Variants in PARD3B observed in about 807,000 individuals in gnomAD.
PARD3B encodes the protein par-3 family cell polarity regulator beta, also known as partitioning defective 3 homolog B.
In PARD3B, 103 loss-of-function variants were observed where a neutral mutation model predicts 130.2. That is an observed-to-expected ratio of 0.79 (90% CI 0.67 to 0.93). The LOEUF (loss-of-function observed/expected upper bound fraction) is 0.93, where lower values mean the gene tolerates loss of function less well. PARD3B is among the 40% of genes least tolerant of loss of function. PARD3B has a pLI of 0.00. For missense variants in PARD3B, 1,609 were observed against 1,499.2 expected (o/e 1.07, Z -1.21); for synonymous variants, 583 against 553.2 (o/e 1.05, Z -0.76).
intron 1 of PARD3B, among the ~76,000 whole-genome samples, chr2:204,679,167 G>T (rs577583177): frequency 6.6e-6 from 1 of 152,244 alleles, no homozygotes; most frequent in South Asian, 2.1e-4. Flanking sequence ...CCATTGCATG[G>T]ACATACTGTA....
chr2:205,263,882 G>A lies in PARD3B; in HGVS notation c.2185+18060G>A, dbSNP rs1398034180. Among the ~76,000 whole-genome samples the A allele has an allele frequency of 6.6e-6, 1 of 151,240 alleles. No homozygotes were observed. The highest frequency in any genetic ancestry group is 1.5e-5 in the Non-Finnish European group (1 of 67,640). Reference sequence around the variant, plus strand: ...AGGAATTGCCAAAATTTAAGGATAAGCAAAGGCACAAGTAGACTATTTACT... The same window carrying A: ...AGGAATTGCCAAAATTTAAGGATAAACAAAGGCACAAGTAGACTATTTACT... On this transcript the variant is annotated intron_variant, in intron 16 of 22. Coordinates refer to ENST00000406610, the MANE Select transcript of PARD3B (RefSeq NM_001302769.2). This position sits in a 1 kb window ranked among gnomAD's most constrained non-coding sequence, Gnocchi z 4.0.
chr2:205,214,679 T>C (rs2037822250), intron 15 of PARD3B, among the ~76,000 whole-genome samples: 1 of 152,178 alleles, frequency 6.6e-6, no homozygotes, highest in East Asian at 1.9e-4. Context: ...GTACAATCTA[T>C]TTACTGTCAC....
At chr2:205,239,726 T>C (rs2039266180) in intron 15 of PARD3B, among the ~76,000 whole-genome samples, 1 of 152,186 alleles carries the variant, frequency 6.6e-6, no homozygotes, top group South Asian at 2.1e-4. Flanking sequence ...TAAGCCCTCC[T>C]TTTTTACCCT....
chr2:204,633,596 C>G (rs1191567574), intron 1 of PARD3B, among the ~76,000 whole-genome samples: 2 of 152,050 alleles, frequency 1.3e-5, no homozygotes, highest in Admixed American at 6.5e-5. Context: ...GGTGGATCAC[C>G]TGAGGTGAGG....
intron 21 of PARD3B, among the ~76,000 whole-genome samples, chr2:205,533,826 CA>C (rs1200094307): frequency 6.6e-6 from 1 of 152,138 alleles, no homozygotes; most frequent in Non-Finnish European, 1.5e-5. Context: ...CTCCGGGGCT[CA>C]AGCAATCCTT....
intron 15 of PARD3B, among the ~76,000 whole-genome samples, chr2:205,209,678 T>C (rs1434542236): frequency 6.6e-6 from 1 of 151,886 alleles, no homozygotes; most frequent in African/African-American, 2.4e-5. Flanking sequence ...CTTCTGAATA[T>C]TTTGAATGAT....
In PARD3B at chr2:205,520,512, C is replaced by T. The variant is rs183808964; in HGVS notation, c.3180+20481C>T. On this transcript the variant is annotated intron_variant, in intron 21 of 22. Coordinates refer to ENST00000406610, the MANE Select transcript of PARD3B (RefSeq NM_001302769.2). ...TTGCTACTGGCTCAATAGCTCGGGC[C>T]GGGGGTGGCTGGAGGCTTAGGCCTG... 7.9e-5 allele frequency among the ~76,000 whole-genome samples: 12 copies of T among 152,120 alleles called. No individual in the cohort carries two copies. The East Asian group carries it at 9.7e-4, about 12-fold the overall frequency.
chr2:205,370,233 G>A (rs1337579760), intron 18 of PARD3B, among the ~76,000 whole-genome samples: 1 of 152,192 alleles, frequency 6.6e-6, no homozygotes, highest in African/African-American at 2.4e-5. Context: ...ATTTTTTTAA[G>A]TGGAGGTCAT....
intron 2 of PARD3B, among the ~76,000 whole-genome samples, chr2:204,794,012 A>G (rs1407821257): frequency 6.6e-6 from 1 of 152,166 alleles, no homozygotes; most frequent in Non-Finnish European, 1.5e-5. Flanking sequence ...TGTAATCTCA[A>G]TATGGATGTG....
chr2:205,562,822 CTG>C lies in PARD3B; in HGVS notation c.3260+9421_3260+9422del, dbSNP rs1177228912. On this transcript the variant is annotated intron_variant, in intron 22 of 22. Coordinates refer to ENST00000406610, the MANE Select transcript of PARD3B (RefSeq NM_001302769.2). The surrounding 1 kb of genome is among the most constrained non-coding windows in gnomAD (Gnocchi z 5.4). ...GCTGTACCGTTTTGCATGATGCACACTGTCTTTCTGCACCTACCTCCTCCTGT... is the reference window on the plus strand; with the variant it reads ...GCTGTACCGTTTTGCATGATGCACACTCTTTCTGCACCTACCTCCTCCTGT... 1.3e-5 allele frequency among the ~76,000 whole-genome samples: 2 copies of C among 152,176 alleles called. No homozygotes were observed. Among genetic ancestry groups the C allele is most frequent in the Non-Finnish European group, 2.9e-5 (2 of 68,034 alleles).
chr2:205,401,516 C>T (rs980670764), intron 19 of PARD3B, among the ~76,000 whole-genome samples: 4 of 152,114 alleles, frequency 2.6e-5, no homozygotes, highest in African/African-American at 9.7e-5. Context: ...TTATTCTGCG[C>T]AATCCGTTTG....
At chr2:205,233,483 T>C (rs2125898676) in intron 15 of PARD3B, among the ~76,000 whole-genome samples, 1 of 152,178 alleles carries the variant, frequency 6.6e-6, no homozygotes, top group South Asian at 2.1e-4. Flanking sequence ...TATTTAAATA[T>C]AAGGTTAATT....
chr2:204,789,723 T>C (rs2125471625), intron 2 of PARD3B, among the ~76,000 whole-genome samples: 1 of 152,324 alleles, frequency 6.6e-6, no homozygotes, highest in Admixed American at 6.5e-5. Flanking sequence ...TTTAGTCTGT[T>C]ACATTATTCT....
intron 2 of PARD3B, among the ~76,000 whole-genome samples, chr2:204,723,660 G>A (rs377744034): frequency 3.3e-5 from 5 of 152,094 alleles, no homozygotes; most frequent in African/African-American, 9.7e-5. Flanking sequence ...AATAGGATAG[G>A]AAATCATGAA....
intron 3 of PARD3B, among the ~76,000 whole-genome samples, chr2:205,024,099 A>C (rs1054514487): frequency 6.6e-6 from 1 of 151,510 alleles, no homozygotes; most frequent in Non-Finnish European, 1.5e-5. Context: ...TGCCCAGTGC[A>C]GGGTGAGCTC....
At position 205,021,025 on chromosome 2, in the gene PARD3B, G is replaced by A. The variant is rs969863750; in HGVS notation, c.395-26556G>A. On this transcript the variant is annotated intron_variant, in intron 3 of 22. Transcript: ENST00000406610. The surrounding 1 kb of genome is among the most constrained non-coding windows in gnomAD (Gnocchi z 4.5). Reference sequence around the variant, plus strand: ...ACTCCCTAAGAGACCTTGCCTCTGAGCATGTCAGCTGAAAAGATGGCAGAG... The same window carrying A: ...ACTCCCTAAGAGACCTTGCCTCTGAACATGTCAGCTGAAAAGATGGCAGAG... Among the ~76,000 whole-genome samples, 2 of 152,148 alleles carry A rather than the reference G, an allele frequency of 1.3e-5. No homozygotes were observed. The highest frequency in any genetic ancestry group is 4.8e-5 in the African/African-American group (2 of 41,436).
At chr2:204,932,713 A>G (rs541132995) in intron 2 of PARD3B, among the ~76,000 whole-genome samples, 62 of 152,300 alleles carry the variant, frequency 4.1e-4, no homozygotes, top group African/African-American at 1.5e-3. Context: ...GTAATGTTTT[A>G]TGGTGAAAAT....
chr2:205,564,950 A>G lies in PARD3B; in HGVS notation c.3260+11547A>G, dbSNP rs774808220. On this transcript the variant is annotated intron_variant, in intron 22 of 22. Transcript: ENST00000406610. The surrounding 1 kb of genome is among the most constrained non-coding windows in gnomAD (Gnocchi z 4.6). ...AGGGTTGCCCCACTCTGCAATCAGA[A>G]CTGACCCTTATGGCCGAACATGGAA... 1.3e-5 allele frequency among the ~76,000 whole-genome samples: 2 copies of G among 152,166 alleles called. No individual in the cohort carries two copies. The highest frequency in any genetic ancestry group is 2.9e-5 in the Non-Finnish European group (2 of 68,036).
intron 6 of PARD3B, among the ~76,000 whole-genome samples, chr2:205,114,742 G>A (rs1388093560): frequency 5.2e-5 from 6 of 116,304 alleles, no homozygotes; most frequent in South Asian, 3.4e-4. Flanking sequence ...CTGTAATTGC[G>A]AAGTCATCAC....
Sources: allele counts gnomAD v4.1 joint callset (sites outside exome capture counted in the v4.1 genomes callset), GRCh38; gene constraint gnomAD v4.1.1; non-coding constraint Gnocchi (gnomAD v3.1); transcripts MANE v1.5; gene names NCBI Gene and HGNC (gene_info 2026-07-23, HGNC 2026-07-21).